FDFT1: variants seen among roughly 807,000 people sequenced by gnomAD.
The protein encoded by FDFT1 is squalene synthase.
In FDFT1, 68 loss-of-function variants were observed where a neutral mutation model predicts 46.8. The ratio of observed to expected loss-of-function variants is 1.45; its 90% CI spans 1.19 to 1.78. FDFT1 has a LOEUF of 1.78. Among genes scored for constraint, FDFT1 ranks in the 40% most tolerant of loss-of-function variants. FDFT1 has a pLI of 0.00. For missense variants in FDFT1, 928 were observed against 524.4 expected (o/e 1.77, Z -7.52); for synonymous variants, 351 against 185.1 (o/e 1.90, Z -7.28).
chr8:11,831,528 T>A lies in FDFT1; in HGVS notation c.890T>A (p.Ile297Asn). Residue 297 changes from isoleucine to asparagine, a missense_variant, in exon 7 of 8, where the codon ATT (isoleucine) becomes AAT (asparagine). Transcript: ENST00000220584. ...NFCAIPQVMA[I>N]ATLAACYNNQ... Reference sequence around the variant, plus strand: ...TCTTGTTGTCTCTAGGTGATGGCCATTGCCACTTTGGCTGCCTGTTATAAT... The same window carrying A: ...TCTTGTTGTCTCTAGGTGATGGCCAATGCCACTTTGGCTGCCTGTTATAAT... 2 of 1,614,088 alleles carry A rather than the reference T, an allele frequency of 1.2e-6. No homozygotes were observed. Among genetic ancestry groups the A allele is most frequent in the Non-Finnish European group, 1.7e-6 (2 of 1,179,912 alleles).
intron 1 of FDFT1, among the ~76,000 whole-genome samples, chr8:11,806,519 G>T (rs1806857191): frequency 6.6e-6 from 1 of 152,164 alleles, no homozygotes; most frequent in African/African-American, 2.4e-5. Context: ...TTTCAGAATG[G>T]AGGGCTGTAT....
At chr8:11,808,312 G>A in intron 1 of FDFT1, 1 of 1,231,046 alleles carries the variant, frequency 8.1e-7, no homozygotes, top group Non-Finnish European at 1.0e-6. Flanking sequence ...CGGCCAGTGG[G>A]TTCTGGTGAG....
At chr8:11,814,824 C>A (rs929961569) in intron 3 of FDFT1, among the ~76,000 whole-genome samples, 1 of 151,868 alleles carries the variant, frequency 6.6e-6, no homozygotes, top group African/African-American at 2.4e-5. Context: ...GTTGGCAGAT[C>A]TGCTCACTAG....
At chr8:11,828,954 G>C (rs1235555633) in intron 5 of FDFT1, among the ~76,000 whole-genome samples, 1 of 152,180 alleles carries the variant, frequency 6.6e-6, no homozygotes, top group Non-Finnish European at 1.5e-5. Flanking sequence ...ATGGTGAATA[G>C]TACTGTGTAC....
intron 4 of FDFT1, among the ~76,000 whole-genome samples, chr8:11,824,003 C>G (rs968413826): frequency 6.6e-6 from 1 of 152,056 alleles, no homozygotes; most frequent in Non-Finnish European, 1.5e-5. Context: ...GCCTTAGCCT[C>G]CCAGGTGTGA....
At chr8:11,836,595 A>G (rs902906774) in intron 7 of FDFT1, among the ~76,000 whole-genome samples, 4 of 152,260 alleles carry the variant, frequency 2.6e-5, no homozygotes, top group African/African-American at 9.6e-5. Flanking sequence ...CTCGTTTCCA[A>G]ATAAATGGCT....
At chr8:11,818,338 T>C (rs1050992652) in intron 3 of FDFT1, among the ~76,000 whole-genome samples, 19 of 152,220 alleles carry the variant, frequency 1.2e-4, no homozygotes, top group Non-Finnish European at 2.5e-4. Context: ...GTATATTCTG[T>C]TGATTTGGGG....
rs2130716844 is a variant in FDFT1, at chr8:11,808,727, CTCCCA to C, written c.100-66_100-62del. Reference sequence around the variant, plus strand: ...TGCCCCAGTCCCACTCCCACTCCCACTCCCACTCCCACTCCCACTCCTGCTCCTCG... The same window carrying C: ...TGCCCCAGTCCCACTCCCACTCCCACCTCCCACTCCCACTCCTGCTCCTCG... On this transcript the variant is annotated intron_variant, in intron 1 of 7. Transcript: ENST00000220584. The C allele has an allele frequency of 2.6e-6, 4 of 1,565,858 alleles. No homozygotes were observed. In the Admixed American group the frequency reaches 5.6e-5, roughly 22 times the overall value.
In FDFT1 at chr8:11,830,422, T is replaced by A; in HGVS notation, c.879+2T>A. The A allele has an allele frequency of 6.2e-7, 1 of 1,610,962 alleles. No individual in the cohort carries two copies. The highest frequency in any genetic ancestry group is 8.5e-7 in the Non-Finnish European group (1 of 1,177,762). On this transcript the variant is annotated splice_donor_variant, in intron 6 of 7. Transcript: ENST00000220584. LOFTEE classifies it high-confidence loss of function. ...TTTAACTTCTGTGCTATTCCACAGGTAGGGAAGGGGGCTCCTCTGGGTGGA... is the reference window on the plus strand; with the variant it reads ...TTTAACTTCTGTGCTATTCCACAGGAAGGGAAGGGGGCTCCTCTGGGTGGA...
chr8:11,808,793 G>GGAC lies in FDFT1; in HGVS notation c.100_102dup (p.Asp34dup), dbSNP rs1198027028. The GGAC allele has an allele frequency of 6.2e-7, 1 of 1,613,072 alleles. No individual in the cohort carries two copies. The highest frequency in any genetic ancestry group is 8.5e-7 in the Non-Finnish European group (1 of 1,179,824). ...CCGCCGTGTGTGTTGTCTGCCCGCA[G>GGAC]GACTCGCTCAGCAGCAGCCTGAAAA... is the stretch of plus-strand genomic sequence containing the variant. On this transcript the variant is annotated inframe_insertion and splice_region_variant. Coordinates refer to ENST00000220584, the MANE Select transcript of FDFT1 (RefSeq NM_004462.5).
chr8:11,827,842 C>G (rs1046085828), intron 5 of FDFT1, among the ~76,000 whole-genome samples: 5 of 151,854 alleles, frequency 3.3e-5, no homozygotes, highest in Non-Finnish European at 5.9e-5. Flanking sequence ...GATATCGAGA[C>G]CAGCCTGGAC....
At chr8:11,826,884 C>T (rs530057225) in intron 5 of FDFT1, among the ~76,000 whole-genome samples, 1 of 152,142 alleles carries the variant, frequency 6.6e-6, no homozygotes, top group Non-Finnish European at 1.5e-5. Context: ...CAGCTGAGTT[C>T]TCTGGCCTCG....
At position 11,838,947 on chromosome 8, in the gene FDFT1, A is replaced by G; in HGVS notation, c.*338A>G. 1 of 229,412 alleles carries G rather than the reference A, an allele frequency of 4.4e-6. No homozygotes were observed. The highest frequency in any genetic ancestry group is 6.8e-5 in the South Asian group (1 of 14,608). 14.2% of individuals were successfully genotyped at this position (229,412 alleles called of 1,614,324 possible). A position where few individuals can be genotyped will look rare whatever the true frequency, so the allele number is the denominator to read the frequency against. On this transcript the variant is annotated 3_prime_UTR_variant, in exon 8 of 8. Coordinates refer to ENST00000220584, the MANE Select transcript of FDFT1 (RefSeq NM_004462.5). ...TGATCCTGGCTAGAATGATAATTAA[A>G]AGTATTTAATTTGAAGCACCATTTG... is the stretch of plus-strand genomic sequence containing the variant.
At chr8:11,833,023 C>G (rs1285827148) in intron 7 of FDFT1, among the ~76,000 whole-genome samples, 1 of 152,138 alleles carries the variant, frequency 6.6e-6, no homozygotes, top group East Asian at 1.9e-4. Context: ...CTTATACTTC[C>G]TCCCTACCTT....
At chr8:11,808,408 C>T (rs1807178806) in intron 1 of FDFT1, 6 of 1,237,688 alleles carry the variant, frequency 4.8e-6, no homozygotes, top group Middle Eastern at 3.1e-4. Flanking sequence ...CGTTGTGGGT[C>T]GGCCCAGCGC....
At chr8:11,805,588 T>C (rs928302896) in intron 1 of FDFT1, among the ~76,000 whole-genome samples, 2 of 152,212 alleles carry the variant, frequency 1.3e-5, no homozygotes, top group Admixed American at 1.3e-4. Context: ...ATCTGTAAAA[T>C]AGGGATGTAT....
At chr8:11,827,642 A>G (rs1810185003) in intron 5 of FDFT1, among the ~76,000 whole-genome samples, 1 of 152,204 alleles carries the variant, frequency 6.6e-6, no homozygotes, top group Non-Finnish European at 1.5e-5. Flanking sequence ...CCACAGAAAA[A>G]TGGGCAAGGA....
chr8:11,815,766 C>T (rs954524066), intron 3 of FDFT1, among the ~76,000 whole-genome samples: 2 of 152,092 alleles, frequency 1.3e-5, no homozygotes, highest in Non-Finnish European at 2.9e-5. Flanking sequence ...ATTCTGGATA[C>T]TACCCTTTGT....
At chr8:11,797,826 C>T (rs1805721979), upstream of FDFT1, 1 of 152,150 alleles carries the variant, frequency 6.6e-6, no homozygotes, top group African/African-American at 2.4e-5. Flanking sequence ...TTGCTTGGGC[C>T]AAGGCCGGAT....
Sources: gnomAD v4.1 joint callset for allele counts (sites outside exome capture counted in the v4.1 genomes callset) on GRCh38, gnomAD v4.1.1 for gene constraint, MANE v1.5 for transcripts, NCBI Gene and HGNC (gene_info 2026-07-23, HGNC 2026-07-21) for gene names.